HS3ST4: variants seen among roughly 807,000 people sequenced by gnomAD.
HS3ST4 encodes heparan sulfate-glucosamine 3-sulfotransferase 4, also known as heparan sulfate glucosamine 3-O-sulfotransferase 4.
A neutral mutation model predicts 29.2 loss-of-function variants in HS3ST4; 17 were observed. The observed-to-expected ratio is 0.58, with a 90% confidence interval of 0.40 to 0.87. The LOEUF is 0.87. Among genes scored for constraint, HS3ST4 ranks in the 40% least tolerant of loss-of-function variants. HS3ST4 has a pLI of 0.00. For synonymous variants in HS3ST4, 314 were observed against 285.7 expected, an observed-to-expected ratio of 1.10 and a Z score of -1.00; for missense variants, 627 against 634.5, an observed-to-expected ratio of 0.99 and a Z score of 0.13.
intron 1 of HS3ST4, among the ~76,000 whole-genome samples, chr16:26,048,983 G>A (rs981697176): frequency 2.6e-5 from 4 of 152,006 alleles, no homozygotes; most frequent in African/African-American, 9.7e-5. Context: ...GAGAAAAAAC[G>A]GAGATAAGAA....
At chr16:26,110,609 T>G (rs1287894202) in intron 1 of HS3ST4, among the ~76,000 whole-genome samples, 2 of 152,260 alleles carry the variant, frequency 1.3e-5, no homozygotes, top group Non-Finnish European at 1.5e-5. Context: ...TTCACCGCTC[T>G]CATCGTTCTC....
intron 1 of HS3ST4, among the ~76,000 whole-genome samples, chr16:25,698,520 C>A (rs897876936): frequency 6.6e-6 from 1 of 152,192 alleles, no homozygotes; most frequent in Non-Finnish European, 1.5e-5. Flanking sequence ...TATTTGACAT[C>A]GCTTAGCTTC....
At chr16:26,109,479 G>A (rs8045192) in intron 1 of HS3ST4, among the ~76,000 whole-genome samples, 5,860 of 152,032 alleles carry the variant, frequency 0.039, 351 homozygotes, top group African/African-American at 0.13. Flanking sequence ...GAGCAACCAG[G>A]CACAGCACTG....
At chr16:25,798,567 C>T (rs540436456) in intron 1 of HS3ST4, among the ~76,000 whole-genome samples, 2 of 152,128 alleles carry the variant, frequency 1.3e-5, no homozygotes, top group Non-Finnish European at 2.9e-5. Context: ...CTAAAGAAAG[C>T]CACATGGACC....
intron 1 of HS3ST4, among the ~76,000 whole-genome samples, chr16:25,713,090 A>G (rs923540697): frequency 6.6e-6 from 1 of 152,054 alleles, no homozygotes; most frequent in African/African-American, 2.4e-5. Context: ...GTTCTGGGAT[A>G]CACATGCAGG....
intron 1 of HS3ST4, among the ~76,000 whole-genome samples, chr16:25,880,909 G>A (rs949126568): frequency 1.3e-5 from 2 of 152,168 alleles, no homozygotes; most frequent in Non-Finnish European, 2.9e-5. Flanking sequence ...TTTTGTGGGA[G>A]GATGTATTTG....
intron 1 of HS3ST4, among the ~76,000 whole-genome samples, chr16:25,815,480 T>G (rs1967084465): frequency 6.6e-6 from 1 of 152,148 alleles, no homozygotes; most frequent in Admixed American, 6.5e-5. Context: ...TGTGCCACCA[T>G]GCCCAGCTAA....
chr16:25,699,208 C>G (rs1407251486), intron 1 of HS3ST4, among the ~76,000 whole-genome samples: 2 of 152,162 alleles, frequency 1.3e-5, no homozygotes, highest in Admixed American at 1.3e-4. Flanking sequence ...CCCTGTGTAC[C>G]CTGTGCAGTG....
chr16:25,934,155 T>A (rs1299639263), intron 1 of HS3ST4, among the ~76,000 whole-genome samples: 1 of 152,208 alleles, frequency 6.6e-6, no homozygotes, highest in Admixed American at 6.5e-5. Flanking sequence ...CCTCCTTGGC[T>A]CTTTTAGCCT....
intron 1 of HS3ST4, among the ~76,000 whole-genome samples, chr16:25,918,047 G>T (rs1166381332): frequency 6.6e-6 from 1 of 152,118 alleles, no homozygotes; most frequent in African/African-American, 2.4e-5. Context: ...TCGTCTGTGG[G>T]CCAGGGAGCC....
At chr16:25,832,121 A>G (rs1315483343) in intron 1 of HS3ST4, among the ~76,000 whole-genome samples, 2 of 152,172 alleles carry the variant, frequency 1.3e-5, no homozygotes, top group Non-Finnish European at 2.9e-5. Flanking sequence ...ATACATAAAA[A>G]TAAAAATATA....
chr16:25,802,052 G>C (rs910324495), intron 1 of HS3ST4, among the ~76,000 whole-genome samples: 3 of 145,666 alleles, frequency 2.1e-5, no homozygotes, highest in Non-Finnish European at 4.5e-5. Context: ...TAAAAATTCT[G>C]TCTTCATGGA....
At chr16:26,096,037 T>C (rs4490007) in intron 1 of HS3ST4, among the ~76,000 whole-genome samples, 77,075 of 151,974 alleles carry the variant, frequency 0.51, 19,827 homozygotes, top group Middle Eastern at 0.6. Context: ...TAAATTCCTA[T>C]ACACATACAC....
chr16:25,855,463 A>G (rs1443378089), intron 1 of HS3ST4, among the ~76,000 whole-genome samples: 1 of 152,224 alleles, frequency 6.6e-6, no homozygotes, highest in Non-Finnish European at 1.5e-5. Context: ...ATGTCAAAGA[A>G]ATATGTTTTA....
chr16:25,766,869 T>C (rs892069303), intron 1 of HS3ST4, among the ~76,000 whole-genome samples: 1 of 152,064 alleles, frequency 6.6e-6, no homozygotes, highest in Non-Finnish European at 1.5e-5. Context: ...ATTTTAAAGA[T>C]AAGAAAAGTG....
intron 1 of HS3ST4, among the ~76,000 whole-genome samples, chr16:25,918,127 G>A (rs1968311141): frequency 6.6e-6 from 1 of 152,090 alleles, no homozygotes; most frequent in African/African-American, 2.4e-5. Flanking sequence ...CACATTTGTT[G>A]GACAGTAGGT....
intron 1 of HS3ST4, among the ~76,000 whole-genome samples, chr16:25,818,375 G>T (rs1567246599): frequency 6.6e-6 from 1 of 152,120 alleles, no homozygotes; most frequent in South Asian, 2.1e-4. Flanking sequence ...CAGAAAGCAG[G>T]CCCTTGCTAG....
At chr16:25,699,379 C>T (rs554649827) in intron 1 of HS3ST4, among the ~76,000 whole-genome samples, 3 of 152,330 alleles carry the variant, frequency 2.0e-5, no homozygotes, top group South Asian at 4.1e-4. Flanking sequence ...AAAGAAAATT[C>T]GCAAATACAT....
intron 1 of HS3ST4, 72 bp from the exon 2 acceptor site, chr16:26,135,540 A>G (rs774401592): frequency 9.5e-5 from 137 of 1,442,226 alleles, no homozygotes; most frequent in Non-Finnish European, 1.2e-4. Flanking sequence ...TATATCACAC[A>G]TTTTGTGCAA....
Sources: gnomAD v4.1 joint callset for allele counts (sites outside exome capture counted in the v4.1 genomes callset) on GRCh38, gnomAD v4.1.1 for gene constraint, MANE v1.5 for transcripts, NCBI Gene and HGNC (gene_info 2026-07-23, HGNC 2026-07-21) for gene names.